FOXN2: variants seen among roughly 807,000 people sequenced by gnomAD.
FOXN2 encodes the protein forkhead box N2, also known as forkhead box protein N2.
A neutral mutation model predicts 41.2 loss-of-function variants in FOXN2; 19 were observed. That is an observed-to-expected ratio of 0.46 (90% CI 0.32 to 0.68). The LOEUF (loss-of-function observed/expected upper bound fraction) is 0.68, where lower values mean the gene tolerates loss of function less well. Among genes scored for constraint, FOXN2 ranks in the 30% least tolerant of loss-of-function variants. FOXN2 has a pLI of 0.03. For missense variants in FOXN2, 587 were observed against 509.4 expected (o/e 1.15, Z -1.47); for synonymous variants, 195 against 176.8 (o/e 1.10, Z -0.82).
At chr2:48,350,242 T>C (rs2104399337) in intron 3 of FOXN2, among the ~76,000 whole-genome samples, 1 of 152,356 alleles carries the variant, frequency 6.6e-6, no homozygotes, top group East Asian at 1.9e-4. Context: ...TTCAAGCCAG[T>C]TTTCTGCTCA....
chr2:48,353,456 C>G (rs1297464640), intron 3 of FOXN2, among the ~76,000 whole-genome samples: 1 of 151,942 alleles, frequency 6.6e-6, no homozygotes. Flanking sequence ...ACCTTTATAA[C>G]ATACATATCC....
intron 1 of FOXN2, among the ~76,000 whole-genome samples, chr2:48,318,927 G>A (rs78069978): frequency 0.016 from 2,387 of 152,262 alleles, 55 homozygotes; most frequent in African/African-American, 0.052. Context: ...TTAGCATAAA[G>A]TTTAAATATA....
intron 6 of FOXN2, among the ~76,000 whole-genome samples, chr2:48,373,697 T>A (rs1673053653): frequency 6.6e-6 from 1 of 152,138 alleles, no homozygotes; most frequent in Non-Finnish European, 1.5e-5. Flanking sequence ...AAAGCTTTCT[T>A]TAAGATACAA....
chr2:48,325,824 G>C (rs1225328745), intron 1 of FOXN2, among the ~76,000 whole-genome samples: 2 of 147,030 alleles, frequency 1.4e-5, no homozygotes, highest in African/African-American at 2.5e-5. Context: ...GGATTTTAGA[G>C]AATTCTTCCC....
chr2:48,338,116 T>C (rs975251188), intron 2 of FOXN2, among the ~76,000 whole-genome samples: 10 of 152,198 alleles, frequency 6.6e-5, no homozygotes, highest in East Asian at 3.8e-4. Flanking sequence ...TACACTGTTA[T>C]AATACCAACT....
intron 3 of FOXN2, among the ~76,000 whole-genome samples, chr2:48,352,724 T>C (rs1329102157): frequency 2.0e-5 from 3 of 152,344 alleles, no homozygotes; most frequent in East Asian, 3.9e-4. Context: ...ACCTGCTCTT[T>C]GCAATGCCTA....
At chr2:48,362,159 C>G (rs972369087) in intron 4 of FOXN2, among the ~76,000 whole-genome samples, 7 of 152,230 alleles carry the variant, frequency 4.6e-5, no homozygotes, top group African/African-American at 1.4e-4. Flanking sequence ...GGCTCCTATG[C>G]TCTTTCTGCT....
intron 3 of FOXN2, among the ~76,000 whole-genome samples, chr2:48,351,240 G>C (rs923576766): frequency 6.6e-6 from 1 of 151,414 alleles, no homozygotes; most frequent in Non-Finnish European, 1.5e-5. Context: ...GGGATTACAG[G>C]TGTGAGCCAC....
rs1671120630 is a variant in FOXN2 at position 48,346,628 on chromosome 2, T to G, written c.414T>G (p.Ile138Met). 3 of 1,614,152 alleles carry G rather than the reference T, an allele frequency of 1.9e-6. No homozygotes were observed. Among genetic ancestry groups the G allele is most frequent in the East Asian group, 4.5e-5 (2 of 44,890 alleles). The change falls in exon 3 of 7, where the codon ATT becomes ATG. Residue 138 changes from isoleucine (I) to methionine (M), a missense_variant. Physicochemically the swap from Ile to Met is conservative, Grantham distance 10 (BLOSUM62 1). Transcript: ENST00000340553. ...SPNKCLPVKE[I>M]YSWILDHFPY... is the part of the protein sequence containing the mutation. ...ATAAATGTTTGCCTGTCAAAGAAAT[T>G]TATAGCTGGATTCTGGACCATTTTC...
chr2:48,338,111 T>G (rs533929215), intron 2 of FOXN2, among the ~76,000 whole-genome samples: 1 of 152,318 alleles, frequency 6.6e-6, no homozygotes, highest in African/African-American at 2.4e-5. Flanking sequence ...CCCTATACAC[T>G]GTTATAATAC....
chr2:48,316,867 A>G (rs1053601644), intron 1 of FOXN2, among the ~76,000 whole-genome samples: 12 of 152,238 alleles, frequency 7.9e-5, no homozygotes, highest in Admixed American at 2.0e-4. Flanking sequence ...AATCTGCACA[A>G]GAACTGTATA....
chr2:48,350,618 T>C lies in FOXN2; in HGVS notation c.537+3867T>C, dbSNP rs1336161117. ...ATCTTCACCTTTTGCTTGTTCAGGG[T>C]CTAGAACATGGATGATCTTTGCCTA... On this transcript the variant is annotated intron_variant, in intron 3 of 6. Transcript: ENST00000340553. 3.9e-4 allele frequency among the ~76,000 whole-genome samples: 59 copies of C among 152,266 alleles called. 1 individual carries two copies.
At chr2:48,321,915 A>C (rs1053815843) in intron 1 of FOXN2, among the ~76,000 whole-genome samples, 1 of 152,214 alleles carries the variant, frequency 6.6e-6, no homozygotes, top group Non-Finnish European at 1.5e-5. Context: ...ATAGAACTGT[A>C]AGCAAATAAT....
At chr2:48,348,697 G>T (rs939134407) in intron 3 of FOXN2, among the ~76,000 whole-genome samples, 1 of 152,246 alleles carries the variant, frequency 6.6e-6, no homozygotes, top group African/African-American at 2.4e-5. Context: ...GTTTGTGGTT[G>T]CAGTAATTAC....
intron 1 of FOXN2, among the ~76,000 whole-genome samples, chr2:48,319,857 C>T (rs1327412894): frequency 1.4e-5 from 2 of 141,018 alleles, no homozygotes; most frequent in African/African-American, 5.3e-5. Context: ...GTCTCAAACT[C>T]CTGGGCTCAA....
Position 48,373,240 on chromosome 2 carries a change from A to T in FOXN2, c.704-52A>T, listed in dbSNP as rs890878089. ...CTTCAGGGGCATGCAAATACTTAGA[A>T]TAGCCTCTCCTTTATAAAGAACATT... On this transcript the variant is annotated intron_variant, in intron 5 of 6. Coordinates refer to ENST00000340553, the MANE Select transcript of FOXN2 (RefSeq NM_002158.4). 4.6e-6 allele frequency: 6 copies of T among 1,300,544 alleles called. No individual in the cohort carries two copies. The African/African-American group carries it at 9.0e-5, about 20-fold the overall frequency. The allele number at this position is 1,300,544 out of a possible 1,614,324, so 80.6% of individuals were successfully genotyped here.
chr2:48,325,516 T>C (rs1669602606), intron 1 of FOXN2, among the ~76,000 whole-genome samples: 1 of 151,530 alleles, frequency 6.6e-6, no homozygotes, highest in South Asian at 2.1e-4. Flanking sequence ...CTCACATGTA[T>C]GTATCTATAG....
In FOXN2 at chr2:48,314,792, C is replaced by T. The variant is rs948227388; in HGVS notation, c.-179C>T. 6.6e-5 allele frequency: 10 copies of T among 152,170 alleles called. No homozygotes were observed. The allele number at this position is 152,170 out of a possible 1,614,324, so 9.4% of individuals were successfully genotyped here. A position where few individuals can be genotyped will look rare whatever the true frequency, so the allele number is the denominator to read the frequency against. On this transcript the variant is annotated 5_prime_UTR_variant, in exon 1 of 7. Transcript: ENST00000340553. The stretch of plus-strand genomic sequence containing the variant: ...ATATTGTGTCTTCCCCGGCCGGTCC[C>T]TCGCCTCCCGGCCGAGCTGACGGTG...
intron 3 of FOXN2, among the ~76,000 whole-genome samples, chr2:48,352,144 T>TG (rs1276624117): frequency 6.6e-6 from 1 of 152,202 alleles, no homozygotes; most frequent in Non-Finnish European, 1.5e-5. Flanking sequence ...ATTTGACTTG[T>TG]GACAGTGTGA....
Sources: gnomAD v4.1 joint callset for allele counts (sites outside exome capture counted in the v4.1 genomes callset) on GRCh38, gnomAD v4.1.1 for gene constraint, MANE v1.5 for transcripts, NCBI Gene and HGNC (gene_info 2026-07-23, HGNC 2026-07-21) for gene names.